ELAPOR1: variants seen among roughly 807,000 people sequenced by gnomAD.
ELAPOR1 encodes the protein endosome-lysosome associated apoptosis and autophagy regulator 1.
In ELAPOR1, 77 loss-of-function variants were observed where a neutral mutation model predicts 119.7. The observed-to-expected ratio is 0.64, with a 90% CI of 0.54 to 0.78. The LOEUF (loss-of-function observed/expected upper bound fraction) is 0.78. ELAPOR1 is among the 30% of genes least tolerant of loss of function. The pLI is 0.00. For missense variants in ELAPOR1, 1,115 were observed against 1,270.4 expected (o/e 0.88, Z 1.86); for synonymous variants, 481 against 487.2 (o/e 0.99, Z 0.17).
chr1:109,164,937 G>A (rs868392483), intron 3 of ELAPOR1, among the ~76,000 whole-genome samples: 5 of 152,206 alleles, frequency 3.3e-5, no homozygotes, highest in African/African-American at 9.6e-5. Flanking sequence ...TAAAAAACAT[G>A]AGGAAATAAG....
intron 1 of ELAPOR1, among the ~76,000 whole-genome samples, chr1:109,128,918 G>A (rs1648966436): frequency 6.6e-6 from 1 of 152,120 alleles, no homozygotes; most frequent in African/African-American, 2.4e-5. Flanking sequence ...TTAAATAAGA[G>A]AAATCATCAG....
intron 16 of ELAPOR1, 122 bp from the exon 17 acceptor site, chr1:109,197,857 A>G (rs1653925191): frequency 2.9e-6 from 3 of 1,029,322 alleles, no homozygotes; most frequent in Non-Finnish European, 1.5e-6. Context: ...TCACCCTTTC[A>G]TAAGCCACTC....
intron 1 of ELAPOR1, among the ~76,000 whole-genome samples, chr1:109,147,160 C>T (rs1650228873): frequency 6.6e-6 from 1 of 151,610 alleles, no homozygotes; most frequent in Non-Finnish European, 1.5e-5. Flanking sequence ...AGGTGATCTG[C>T]CCACCTCAGC....
At chr1:109,195,493 C>CAA (rs55780811) in intron 15 of ELAPOR1, among the ~76,000 whole-genome samples, 10 of 140,986 alleles carry the variant, frequency 7.1e-5, no homozygotes, top group South Asian at 2.1e-4. Flanking sequence ...GACTCCGTCT[C>CAA]AAAAAAAAAA....
chr1:109,175,965 A>C (rs961705979), intron 7 of ELAPOR1, among the ~76,000 whole-genome samples: 2 of 152,210 alleles, frequency 1.3e-5, no homozygotes, highest in Non-Finnish European at 2.9e-5. Flanking sequence ...ATGAACAAGA[A>C]GATTTTGATA....
At chr1:109,142,085 A>C (rs543270) in intron 1 of ELAPOR1, among the ~76,000 whole-genome samples, 88,360 of 151,960 alleles carry the variant, frequency 0.58, 27,608 homozygotes, top group East Asian at 0.92. Context: ...GGAGCTCAAG[A>C]GTAAGCTCAA....
At chr1:109,191,951 T>C in intron 13 of ELAPOR1, 88 bp downstream of exon 13, 1 of 1,499,172 alleles carries the variant, frequency 6.7e-7, no homozygotes, top group East Asian at 2.3e-5. Flanking sequence ...GAGTGTGAAG[T>C]TCAGAATCTG....
chr1:109,187,453 CCTT>C (rs1461136267), intron 8 of ELAPOR1: 1 of 997,160 alleles, frequency 1.0e-6, no homozygotes, highest in African/African-American at 1.7e-5. Flanking sequence ...CCTTATTCAT[CCTT>C]CTTTTCATAT....
chr1:109,171,759 CA>C lies in ELAPOR1; in HGVS notation c.468-105del, dbSNP rs1651939429. Reference sequence around the variant, plus strand: ...GGTCCAAGTTTCAGTTTGTGAATCACAAGCCTGAAAATTCCCAAAGACCCAG... The same window carrying C: ...GGTCCAAGTTTCAGTTTGTGAATCACAGCCTGAAAATTCCCAAAGACCCAG... On this transcript the variant is annotated intron_variant, in intron 3 of 21. Transcript: ENST00000369939. The C allele has an allele frequency of 2.7e-5, 32 of 1,200,490 alleles. No individual in the cohort carries two copies. The South Asian group carries it at 4.5e-4, about 17-fold the overall frequency. 74.4% of individuals were successfully genotyped at this position (1,200,490 alleles called of 1,614,324 possible).
intron 1 of ELAPOR1, among the ~76,000 whole-genome samples, chr1:109,125,888 AC>A (rs1410180338): frequency 6.6e-6 from 1 of 152,206 alleles, no homozygotes; most frequent in Non-Finnish European, 1.5e-5. Context: ...AAATCCCCGT[AC>A]ATCATTCTTA....
chr1:109,197,981 G>T lies in ELAPOR1; in HGVS notation c.2305G>T (p.Val769Leu), dbSNP rs149380433. ...AATTAGGAGCTCTAATTTGGCAGGGGTGACAACAGATATGACTCTGGATGG... is the reference window on the plus strand; with the variant it reads ...AATTAGGAGCTCTAATTTGGCAGGGTTGACAACAGATATGACTCTGGATGG... ...PVSLADRLIG[V>L]TTDMTLDGIT... The change falls in exon 17 of 22, where the codon GTG (valine) becomes TTG (leucine). Residue 769 changes from valine (V) to leucine (L), a missense_variant and splice_region_variant. Transcript: ENST00000369939. 60 of 1,614,022 alleles carry T rather than the reference G, an allele frequency of 3.7e-5. No individual in the cohort carries two copies. In the African/African-American group the frequency reaches 7.1e-4, roughly 19 times the overall value.
chr1:109,195,063 T>C (rs1331734472), intron 15 of ELAPOR1, among the ~76,000 whole-genome samples: 1 of 151,994 alleles, frequency 6.6e-6, no homozygotes, highest in Non-Finnish European at 1.5e-5. Flanking sequence ...TGAGCTGAGA[T>C]TGCGCCATTG....
At chr1:109,133,355 C>CAAAA (rs10708270) in intron 1 of ELAPOR1, among the ~76,000 whole-genome samples, 1 of 138,126 alleles carries the variant, frequency 7.2e-6, no homozygotes, top group Non-Finnish European at 1.6e-5. Context: ...AAGTAGAAGC[C>CAAAA]AAAAAAAAAA....
intron 8 of ELAPOR1, 37 bp from the exon 9 acceptor site, chr1:109,188,140 T>G (rs373416592): frequency 1.3e-6 from 2 of 1,565,670 alleles, no homozygotes; most frequent in Non-Finnish European, 1.7e-6. Flanking sequence ...GTCCTAAATC[T>G]CACACAGGCT....
intron 8 of ELAPOR1, among the ~76,000 whole-genome samples, chr1:109,185,610 C>G (rs1410460900): frequency 6.6e-6 from 1 of 152,234 alleles, no homozygotes; most frequent in East Asian, 1.9e-4. Flanking sequence ...CCCTCCTAGT[C>G]TACACTGTCA....
intron 1 of ELAPOR1, among the ~76,000 whole-genome samples, chr1:109,124,590 A>T (rs1212622551): frequency 6.6e-6 from 1 of 152,166 alleles, no homozygotes; most frequent in Non-Finnish European, 1.5e-5. Context: ...AGAAATGAGG[A>T]TTCTTTGACC....
chr1:109,135,211 A>G (rs1649386586), intron 1 of ELAPOR1, among the ~76,000 whole-genome samples: 1 of 152,102 alleles, frequency 6.6e-6, no homozygotes, highest in Non-Finnish European at 1.5e-5. Context: ...TTCTGATTCA[A>G]TGGGTCAGTG....
intron 7 of ELAPOR1, among the ~76,000 whole-genome samples, chr1:109,182,563 G>A (rs1398869066): frequency 6.6e-6 from 1 of 151,706 alleles, no homozygotes; most frequent in Non-Finnish European, 1.5e-5. Flanking sequence ...ACCCATATCC[G>A]TCTAGCTTAA....
intron 7 of ELAPOR1, among the ~76,000 whole-genome samples, 198 bp downstream of exon 7, chr1:109,174,035 T>A (rs1652088607): frequency 6.8e-6 from 1 of 147,502 alleles, no homozygotes; most frequent in African/African-American, 2.5e-5. Context: ...TTTTTTGAGA[T>A]AGGGTCTCAC....
Sources: gnomAD v4.1 joint callset for allele counts (sites outside exome capture counted in the v4.1 genomes callset) on GRCh38, gnomAD v4.1.1 for gene constraint, MANE v1.5 for transcripts, NCBI Gene and HGNC (gene_info 2026-07-23, HGNC 2026-07-21) for gene names.